TESPA1: variants seen among roughly 807,000 people sequenced by gnomAD.
TESPA1 encodes thymocyte expressed, positive selection associated 1, also known as protein TESPA1.
TESPA1 carries 33 observed loss-of-function variants against 57.9 expected under a neutral mutation model. The ratio of observed to expected loss-of-function variants is 0.57; its 90% CI spans 0.43 to 0.76. TESPA1 has a LOEUF of 0.76. TESPA1 is among the 30% of genes least tolerant of loss of function. TESPA1 has a pLI of 0.00. For synonymous variants in TESPA1, 227 were observed against 228.9 expected (o/e 0.99, Z 0.07); for missense variants, 618 against 632.9 (o/e 0.98, Z 0.25).
chr12:54,955,812 A>T (rs17116689), intron 10 of TESPA1, among the ~76,000 whole-genome samples: 3,731 of 152,274 alleles, frequency 0.025, 173 homozygotes, highest in East Asian at 0.16. Context: ...TTCCCAACAG[A>T]GGCAAAACAA....
intron 1 of TESPA1, among the ~76,000 whole-genome samples, chr12:54,984,354 CCT>C (rs1190460732): frequency 6.6e-6 from 1 of 152,138 alleles, no homozygotes; most frequent in Non-Finnish European, 1.5e-5. Context: ...AGAAAGATTA[CCT>C]CTCTGATAAT....
chr12:54,968,084 CTG>C (rs1183571640), intron 3 of TESPA1, 192 bp from the exon 4 acceptor site: 59 of 1,426,264 alleles, frequency 4.1e-5, no homozygotes, highest in Non-Finnish European at 5.0e-5. Flanking sequence ...GTTGGGGAAA[CTG>C]GGGCTGGAAT....
intron 10 of TESPA1, among the ~76,000 whole-genome samples, chr12:54,954,963 G>T (rs1290893707): frequency 1.3e-5 from 2 of 152,190 alleles, no homozygotes; most frequent in Admixed American, 6.5e-5. Flanking sequence ...AAATAGGATT[G>T]CTACATCATA....
intron 3 of TESPA1, 123 bp downstream of exon 3, chr12:54,973,354 C>T (rs1354650278): frequency 9.2e-6 from 13 of 1,420,208 alleles, no homozygotes; most frequent in East Asian, 2.3e-5. Context: ...CCATCTCAAC[C>T]TTACTTCTAA....
At chr12:54,956,014 T>C (rs180948280) in intron 10 of TESPA1, among the ~76,000 whole-genome samples, 40 of 152,330 alleles carry the variant, frequency 2.6e-4, no homozygotes, top group African/African-American at 9.1e-4. Flanking sequence ...CCTTATGTCA[T>C]AGGATGAAAT....
intron 1 of TESPA1, among the ~76,000 whole-genome samples, chr12:54,978,618 T>A (rs1055300909): frequency 2.0e-5 from 3 of 152,134 alleles, no homozygotes; most frequent in African/African-American, 7.2e-5. Flanking sequence ...TCCAGGAAAG[T>A]GGTGAGCCTG....
chr12:54,961,730 A>C (rs1250401526), intron 9 of TESPA1, among the ~76,000 whole-genome samples: 1 of 152,174 alleles, frequency 6.6e-6, no homozygotes, highest in Admixed American at 6.5e-5. Flanking sequence ...AAATGGCCCC[A>C]AGCCGGTTGC....
chr12:54,981,731 G>A, intron 1 of TESPA1: 1 of 152,224 alleles, frequency 6.6e-6, no homozygotes, highest in East Asian at 1.9e-4. Context: ...CTTGCCTGGA[G>A]TCACAAAGAA....
rs546554295 is a variant in TESPA1, at chr12:54,948,978, G to T, written c.*1414C>A. 2.0e-4 allele frequency: 31 copies of T among 152,218 alleles called. No individual in the cohort carries two copies. The highest frequency in any genetic ancestry group is 1.5e-3 in the Admixed American group (23 of 15,300). The allele number at this position is 152,218 out of a possible 1,614,324, so 9.4% of individuals were successfully genotyped here. On this transcript the variant is annotated 3_prime_UTR_variant, in exon 11 of 11. Transcript: ENST00000449076. ...GCCTCTTCCCAGTTTTACAACTCAG[G>T]AATATCTTTCTCTAGGACCTGAGAA...
intron 6 of TESPA1, 102 bp downstream of exon 6, chr12:54,966,286 C>T: frequency 6.3e-7 from 1 of 1,585,726 alleles, no homozygotes; most frequent in East Asian, 2.2e-5. Flanking sequence ...GTCTCACTCT[C>T]TAATGTGAAT....
chr12:54,980,250 T>C (rs1373416812), intron 1 of TESPA1, among the ~76,000 whole-genome samples: 1 of 152,226 alleles, frequency 6.6e-6, no homozygotes, highest in African/African-American at 2.4e-5. Context: ...GTAATTTATA[T>C]TTGGTTCTGT....
chr12:54,975,157 T>A (rs932393931), intron 1 of TESPA1, among the ~76,000 whole-genome samples: 2 of 152,182 alleles, frequency 1.3e-5, no homozygotes, highest in Non-Finnish European at 2.9e-5. Flanking sequence ...TTTGTCTTGA[T>A]TTTTTATGTT....
intron 3 of TESPA1, among the ~76,000 whole-genome samples, chr12:54,970,258 A>G (rs1951749082): frequency 6.6e-6 from 1 of 152,192 alleles, no homozygotes; most frequent in Non-Finnish European, 1.5e-5. Flanking sequence ...TTTAATACTC[A>G]TTCATTTTTC....
rs1384011380 is a variant in TESPA1, at chr12:54,966,037, A to G, written c.446+16T>C. 1 of 1,560,224 alleles carries G rather than the reference A, an allele frequency of 6.4e-7. No homozygotes were observed. ...ATCTTCTCCACCCTTCCACCCTGCCAAACTTCAGTACCTACCTTGAACTAG... is the reference window on the plus strand; with the variant it reads ...ATCTTCTCCACCCTTCCACCCTGCCGAACTTCAGTACCTACCTTGAACTAG... On this transcript the variant is annotated intron_variant, in intron 7 of 10. Coordinates refer to ENST00000449076, the MANE Select transcript of TESPA1 (RefSeq NM_001136030.3).
At chr12:54,973,166 A>G (rs1026907121) in intron 3 of TESPA1, among the ~76,000 whole-genome samples, 2 of 152,182 alleles carry the variant, frequency 1.3e-5, no homozygotes, top group Non-Finnish European at 2.9e-5. Flanking sequence ...TAAAGGGGGA[A>G]GTCAGGGGAG....
At position 54,950,235 on chromosome 12, in the gene TESPA1, A is replaced by T. The variant is rs528918453; in HGVS notation, c.*157T>A. The T allele has an allele frequency of 2.2e-6, 1 of 456,276 alleles. No homozygotes were observed. The highest frequency in any genetic ancestry group is 1.5e-5 in the South Asian group (1 of 64,522). The allele number at this position is 456,276 out of a possible 1,614,324, so 28.3% of individuals were successfully genotyped here. A position where few individuals can be genotyped will look rare whatever the true frequency, so the allele number is the denominator to read the frequency against. ...AGTCTGGTCTTCCTCCCCATGTACCATGCTGCCTTTCTCCTGCAGAGTTTG... is the reference window on the plus strand; with the variant it reads ...AGTCTGGTCTTCCTCCCCATGTACCTTGCTGCCTTTCTCCTGCAGAGTTTG... On this transcript the variant is annotated 3_prime_UTR_variant, in exon 11 of 11. Coordinates refer to ENST00000449076, the MANE Select transcript of TESPA1 (RefSeq NM_001136030.3).
chr12:54,954,051 G>A (rs1348369570), intron 10 of TESPA1, among the ~76,000 whole-genome samples: 1 of 152,174 alleles, frequency 6.6e-6, no homozygotes, highest in Non-Finnish European at 1.5e-5. Flanking sequence ...CATTTCAGTG[G>A]TGACAAAGGT....
chr12:54,967,087 G>T, intron 5 of TESPA1, 96 bp downstream of exon 5: 1 of 1,410,570 alleles, frequency 7.1e-7, no homozygotes, highest in Non-Finnish European at 9.8e-7. Flanking sequence ...GGGATGGGCT[G>T]TTTCTTTCTG....
Position 54,966,156 on chromosome 12 carries a change from A to G in TESPA1, c.348-5T>C. Reference sequence around the variant, plus strand: ...CTGGCTGTCTCGAGGAAACTCCTGCAGAGATCAAAGCTGATGTCATACAAA... The same window carrying G: ...CTGGCTGTCTCGAGGAAACTCCTGCGGAGATCAAAGCTGATGTCATACAAA... On this transcript the variant is annotated splice_polypyrimidine_tract_variant and splice_region_variant and intron_variant, in intron 6 of 10. Coordinates refer to ENST00000449076, the MANE Select transcript of TESPA1 (RefSeq NM_001136030.3). 1 of 1,565,784 alleles carries G rather than the reference A, an allele frequency of 6.4e-7. No homozygotes were observed. Among genetic ancestry groups the G allele is most frequent in the South Asian group, 1.2e-5 (1 of 85,170 alleles).
Sources: gnomAD v4.1 joint callset for allele counts (sites outside exome capture counted in the v4.1 genomes callset) on GRCh38, gnomAD v4.1.1 for gene constraint, MANE v1.5 for transcripts, NCBI Gene and HGNC (gene_info 2026-07-23, HGNC 2026-07-21) for gene names.